The following VWA8 variants were observed in gnomAD, a reference collection of about 807,000 sequenced individuals.
The protein encoded by VWA8 is von Willebrand factor A domain containing 8.
Under a neutral mutation model 241.5 loss-of-function variants are expected in VWA8, and 221 were observed. The ratio of observed to expected loss-of-function variants is 0.91; its 90% CI spans 0.82 to 1.02. The LOEUF (loss-of-function observed/expected upper bound fraction) is 1.02. Among genes scored for constraint, VWA8 ranks in the 50% least tolerant of loss-of-function variants. VWA8 has a pLI of 0.00. For synonymous variants in VWA8, 852 were observed against 827.1 expected (o/e 1.03, Z -0.52); for missense variants, 2,322 against 2,328.7 (o/e 1.00, Z 0.06).
At chr13:41,813,245 G>A (rs536602652) in intron 16 of VWA8, among the ~76,000 whole-genome samples, 1 of 152,198 alleles carries the variant, frequency 6.6e-6, no homozygotes, top group African/African-American at 2.4e-5. Context: ...GTGGATGAAG[G>A]ACAGAGAGAA....
chr13:41,750,491 AAAGG>A (rs55752497), intron 21 of VWA8, among the ~76,000 whole-genome samples: 38,418 of 149,790 alleles, frequency 0.26, 5,720 homozygotes, highest in Non-Finnish European at 0.33. Context: ...GGAAAAAAAG[AAAGG>A]AAGGAAGGAA....
At position 41,605,060 on chromosome 13, in the gene VWA8, A is replaced by AT. The variant is rs1173482168; in HGVS notation, c.4986+107dup. The stretch of plus-strand genomic sequence containing the variant: ...TATGCAGACATTTTCACACTGAGAC[A>AT]TTTTTTCGGACTGGCTAATTAGGGT... On this transcript the variant is annotated intron_variant, in intron 40 of 44. Transcript: ENST00000379310. The AT allele has an allele frequency of 6.8e-6, 7 of 1,032,776 alleles. No individual in the cohort carries two copies. The East Asian group carries it at 1.5e-4, about 22-fold the overall frequency. 64.0% of individuals were successfully genotyped at this position (1,032,776 alleles called of 1,614,324 possible). A position where few individuals can be genotyped will look rare whatever the true frequency, so the allele number is the denominator to read the frequency against.
intron 26 of VWA8, among the ~76,000 whole-genome samples, chr13:41,711,139 A>C (rs2045313315): frequency 6.6e-6 from 1 of 152,208 alleles, no homozygotes; most frequent in Admixed American, 6.5e-5. Context: ...CATCAGGGGT[A>C]ATACTAAAAT....
chr13:41,758,398 G>GTGTATATA lies in VWA8; in HGVS notation c.2426+2729_2426+2730insTATATACA, dbSNP rs1412122391. ...TATATATATATATATATATACGCTAGTATATATATATATATATATATATAT... is the reference window on the plus strand; with the variant it reads ...TATATATATATATATATATACGCTAGTGTATATATATATATATATATATATATATATAT... On this transcript the variant is annotated intron_variant, in intron 21 of 44. Transcript: ENST00000379310. 1.6e-3 allele frequency among the ~76,000 whole-genome samples: 39 copies of GTGTATATA among 25,002 alleles called. 2 individuals carry two copies. The highest frequency in any genetic ancestry group is 6.2e-3 in the South Asian group (3 of 486). 16.4% of individuals were successfully genotyped at this position (25,002 alleles called of 152,430 possible). A position where few individuals can be genotyped will look rare whatever the true frequency, so the allele number is the denominator to read the frequency against.
Position 41,923,274 on chromosome 13 carries a change from G to A in VWA8, c.242-11106C>T, listed in dbSNP as rs200077183. 4.7e-4 allele frequency among the ~76,000 whole-genome samples: 71 copies of A among 152,208 alleles called. 2 individuals are homozygous for A. In the East Asian group the frequency reaches 6.8e-3, roughly 15 times the overall value. On this transcript the variant is annotated intron_variant, in intron 2 of 44. Transcript: ENST00000379310. ...CACAGGGTGGGGAACATCACACACC[G>A]GGGCTTGCCGTGGGGTGGGGGGAGC...
At chr13:41,767,770 C>T (rs577266121) in intron 20 of VWA8, among the ~76,000 whole-genome samples, 2 of 152,308 alleles carry the variant, frequency 1.3e-5, no homozygotes, top group South Asian at 4.1e-4. Flanking sequence ...TAATATCTAC[C>T]TCCCTGCATT....
intron 39 of VWA8, among the ~76,000 whole-genome samples, chr13:41,608,870 T>C (rs2044569320): frequency 6.6e-6 from 1 of 152,180 alleles, no homozygotes; most frequent in African/African-American, 2.4e-5. Context: ...GGTATCTAGC[T>C]TAAAACCAGA....
chr13:41,760,205 T>C (rs1427664471), intron 21 of VWA8, among the ~76,000 whole-genome samples: 1 of 151,802 alleles, frequency 6.6e-6, no homozygotes, highest in Non-Finnish European at 1.5e-5. Context: ...TTCAGTTTTA[T>C]AGTTTTTATT....
intron 9 of VWA8, among the ~76,000 whole-genome samples, chr13:41,879,824 C>A (rs970983): frequency 0.81 from 123,636 of 152,100 alleles, 51,104 homozygotes; most frequent in East Asian, 1. Context: ...ATATGCTTAA[C>A]GTTGTCAAAT....
intron 42 of VWA8, among the ~76,000 whole-genome samples, chr13:41,587,244 G>A (rs2044424530): frequency 6.6e-6 from 1 of 152,164 alleles, no homozygotes; most frequent in Non-Finnish European, 1.5e-5. Flanking sequence ...AGGCTCTGAG[G>A]AGTCTGGGAA....
intron 21 of VWA8, among the ~76,000 whole-genome samples, chr13:41,735,001 T>C (rs1177328844): frequency 1.3e-5 from 2 of 152,216 alleles, no homozygotes; most frequent in East Asian, 3.8e-4. Context: ...GCAGGGCATA[T>C]GTTATTTTTT....
chr13:41,711,296 A>G (rs1361131064), intron 26 of VWA8, among the ~76,000 whole-genome samples: 2 of 152,180 alleles, frequency 1.3e-5, no homozygotes, highest in Non-Finnish European at 1.5e-5. Flanking sequence ...TCATTGTTCT[A>G]AGTCTGAATC....
chr13:41,628,503 A>C (rs2044707229), intron 37 of VWA8, among the ~76,000 whole-genome samples: 1 of 152,228 alleles, frequency 6.6e-6, no homozygotes, highest in Non-Finnish European at 1.5e-5. Flanking sequence ...AGCACTTCCC[A>C]CAATGGCAAA....
chr13:41,911,281 C>T (rs539898448), intron 3 of VWA8, among the ~76,000 whole-genome samples: 31 of 152,172 alleles, frequency 2.0e-4, no homozygotes, highest in African/African-American at 6.5e-4. Flanking sequence ...CCAGGCTGGT[C>T]TCGAACTCCT....
At chr13:41,681,078 A>G (rs1306286451) in intron 35 of VWA8, among the ~76,000 whole-genome samples, 1 of 152,194 alleles carries the variant, frequency 6.6e-6, no homozygotes, top group Non-Finnish European at 1.5e-5. Context: ...CTAACCCTTG[A>G]TATCTGATTG....
intron 20 of VWA8, among the ~76,000 whole-genome samples, chr13:41,771,539 T>C (rs1394368420): frequency 6.6e-6 from 1 of 152,234 alleles, no homozygotes; most frequent in Non-Finnish European, 1.5e-5. Context: ...ACATGTATTC[T>C]TACACAAAAA....
chr13:41,610,581 C>T (rs1348672174), intron 39 of VWA8, among the ~76,000 whole-genome samples: 1 of 152,190 alleles, frequency 6.6e-6, no homozygotes, highest in Non-Finnish European at 1.5e-5. Flanking sequence ...GTACTGTTTA[C>T]TTGCAGGATG....
intron 37 of VWA8, among the ~76,000 whole-genome samples, chr13:41,626,456 G>A (rs2044692187): frequency 6.6e-6 from 1 of 152,044 alleles, no homozygotes; most frequent in Non-Finnish European, 1.5e-5. Context: ...GAGCCAAACA[G>A]CCAAAACAAT....
intron 5 of VWA8, among the ~76,000 whole-genome samples, chr13:41,890,147 G>C (rs1323737500): frequency 1.3e-5 from 2 of 152,218 alleles, no homozygotes; most frequent in African/African-American, 4.8e-5. Flanking sequence ...TAAAGAAACA[G>C]ACTGCTTCTG....
Sources: gnomAD v4.1 joint callset for allele counts (sites outside exome capture counted in the v4.1 genomes callset) on GRCh38, gnomAD v4.1.1 for gene constraint, MANE v1.5 for transcripts, NCBI Gene and HGNC (gene_info 2026-07-23, HGNC 2026-07-21) for gene names.